Variants in ZNF569 observed in about 807,000 individuals in gnomAD.
ZNF569 encodes the protein zinc finger protein 569.
ZNF569 carries 38 observed loss-of-function variants against 56.3 expected under a neutral mutation model. The observed-to-expected ratio is 0.68, with a 90% CI of 0.52 to 0.88. The LOEUF (loss-of-function observed/expected upper bound fraction) is 0.88. Among genes scored for constraint, ZNF569 ranks in the 40% least tolerant of loss-of-function variants. The probability of loss-of-function intolerance (pLI) is 0.00; values close to 1 mark genes in which losing one functional copy is unlikely to be tolerated. For synonymous variants in ZNF569, 241 were observed against 262.9 expected, an observed-to-expected ratio of 0.92 and a Z score of 0.81; for missense variants, 666 against 809.2, an observed-to-expected ratio of 0.82 and a Z score of 2.15.
At chr19:37,417,405 C>T (rs1016834315) in intron 5 of ZNF569, among the ~76,000 whole-genome samples, 19 of 151,978 alleles carry the variant, frequency 1.3e-4, no homozygotes, top group Non-Finnish European at 2.2e-4. Context: ...GGACTAGAGG[C>T]GTGGTTAATT....
At position 37,413,446 on chromosome 19, in the gene ZNF569, G is replaced by A; in HGVS notation, c.1212C>T (p.His404=). Residue 404 remains histidine (H), a synonymous_variant, in exon 6 of 6, where the codon CAC becomes CAT. Transcript: ENST00000316950. ...SSALTVHMRS[H]TGEKPYECKE... Reference sequence around the variant, plus strand: ...TACATTCATAGGGTTTCTCACCAGTGTGACTTCTCATATGTACAGTAAGGG... The same window carrying A: ...TACATTCATAGGGTTTCTCACCAGTATGACTTCTCATATGTACAGTAAGGG... 1 of 1,613,510 alleles carries A rather than the reference G, an allele frequency of 6.2e-7. No homozygotes were observed. The highest frequency in any genetic ancestry group is 1.3e-5 in the African/African-American group (1 of 74,914).
At chr19:37,453,676 T>G (rs1008310897) in intron 2 of ZNF569, among the ~76,000 whole-genome samples, 1 of 152,136 alleles carries the variant, frequency 6.6e-6, no homozygotes, top group Non-Finnish European at 1.5e-5. Flanking sequence ...TGTGTAGATG[T>G]GTTTTAAAAT....
rs371046505 is a variant in ZNF569 at position 37,442,099 on chromosome 19, C to T, written c.15+2808G>A. Among the ~76,000 whole-genome samples, 7 of 152,214 alleles carry T rather than the reference C, an allele frequency of 4.6e-5. No homozygotes were observed. The East Asian group carries it at 1.2e-3, about 25-fold the overall frequency. On this transcript the variant is annotated intron_variant, in intron 3 of 5. Coordinates refer to ENST00000316950, the MANE Select transcript of ZNF569 (RefSeq NM_152484.3). The stretch of plus-strand genomic sequence containing the variant: ...AGAGTGAGTTTAGAAACACTCTGGG[C>T]CTCTTGGAGCTTAGATTCTACTTTG...
intron 2 of ZNF569, among the ~76,000 whole-genome samples, chr19:37,448,646 C>G (rs939550221): frequency 6.7e-6 from 1 of 148,430 alleles, no homozygotes; most frequent in Non-Finnish European, 1.5e-5. Flanking sequence ...TCACCGCAAG[C>G]TCCGCCTCCC....
intron 1 of ZNF569, 59 bp downstream of exon 1, chr19:37,467,025 C>A (rs1054701681): frequency 5.2e-5 from 8 of 152,400 alleles, no homozygotes; most frequent in Non-Finnish European, 1.2e-4. Flanking sequence ...CGCGGGCCCC[C>A]ACTCCCACCC....
At chr19:37,437,559 T>C (rs1227979362) in intron 3 of ZNF569, among the ~76,000 whole-genome samples, 10 of 152,200 alleles carry the variant, frequency 6.6e-5, no homozygotes, top group Non-Finnish European at 1.3e-4. Context: ...GCATGTGATA[T>C]GATCTTCTGT....
intron 2 of ZNF569, among the ~76,000 whole-genome samples, chr19:37,456,774 C>A (rs1056759449): frequency 1.3e-5 from 2 of 152,032 alleles, no homozygotes; most frequent in African/African-American, 4.8e-5. Flanking sequence ...CGAGATTGGC[C>A]TCGCCAACAT....
At chr19:37,469,204 C>T, upstream of ZNF569, 2 of 1,279,382 alleles carry the variant, frequency 1.6e-6, no homozygotes, top group Non-Finnish European at 2.0e-6. Flanking sequence ...GGGGAGGAGG[C>T]CGTGTTACAA....
intron 5 of ZNF569, among the ~76,000 whole-genome samples, chr19:37,416,448 T>C (rs534749634): frequency 3.3e-5 from 5 of 152,234 alleles, no homozygotes; most frequent in South Asian, 2.1e-4. Flanking sequence ...TCATTATCTA[T>C]TGGGGACTGG....
chr19:37,431,040 G>T (rs1330864848), intron 3 of ZNF569, among the ~76,000 whole-genome samples: 1 of 152,184 alleles, frequency 6.6e-6, no homozygotes, highest in African/African-American at 2.4e-5. Flanking sequence ...GTAGCAGTAG[G>T]AACCTGAATT....
chr19:37,434,249 G>A (rs1261050015), intron 3 of ZNF569, among the ~76,000 whole-genome samples: 1 of 149,746 alleles, frequency 6.7e-6, no homozygotes, highest in Non-Finnish European at 1.5e-5. Context: ...GCAGTGAGCC[G>A]AGATTGTGCC....
intron 5 of ZNF569, among the ~76,000 whole-genome samples, chr19:37,425,163 A>T (rs1032483172): frequency 6.6e-6 from 1 of 151,496 alleles, no homozygotes. Context: ...ATATATATAT[A>T]TTTTTTGAGA....
intron 5 of ZNF569, among the ~76,000 whole-genome samples, chr19:37,422,507 A>G (rs1168476367): frequency 6.6e-6 from 1 of 152,222 alleles, no homozygotes; most frequent in Non-Finnish European, 1.5e-5. Context: ...TGTGACACAG[A>G]CACACACAGT....
At chr19:37,439,136 T>C (rs1159311363) in intron 3 of ZNF569, among the ~76,000 whole-genome samples, 2 of 152,148 alleles carry the variant, frequency 1.3e-5, no homozygotes, top group African/African-American at 4.8e-5. Flanking sequence ...AGTGGTGCGA[T>C]CTTGGCTCAC....
upstream of ZNF569, among the ~76,000 whole-genome samples, chr19:37,468,613 T>C (rs2041893087): frequency 6.6e-6 from 1 of 152,146 alleles, no homozygotes; most frequent in Admixed American, 6.5e-5. Flanking sequence ...TCAGGCAATT[T>C]TTCTGCCTCA....
intron 3 of ZNF569, among the ~76,000 whole-genome samples, chr19:37,441,830 T>C (rs2041411875): frequency 6.6e-6 from 1 of 152,104 alleles, no homozygotes; most frequent in Admixed American, 6.5e-5. Flanking sequence ...AAATACACCA[T>C]AAATTCATCA....
chr19:37,457,217 A>G (rs2041686622), intron 2 of ZNF569, among the ~76,000 whole-genome samples: 1 of 152,214 alleles, frequency 6.6e-6, no homozygotes, highest in African/African-American at 2.4e-5. Flanking sequence ...AAACATTCGT[A>G]CAATAAAATA....
chr19:37,413,532 G>T lies in ZNF569; in HGVS notation c.1126C>A (p.His376Asn), dbSNP rs763050709. The stretch of plus-strand genomic sequence containing the variant: ...CATTCATAGGGTTTTTCACCTGTAT[G>T]AATTCTAACATGTATAATAAGCATG... The part of the protein sequence containing the change: ...FSMLIIHVRI[H>N]TGEKPYECNE... The change falls in exon 6 of 6, where the codon CAT (histidine) becomes AAT (asparagine). Residue 376 changes from histidine to asparagine, a missense_variant. By Grantham distance (68) the His-to-Asn change is moderately conservative (BLOSUM62 1). Coordinates refer to ENST00000316950, the MANE Select transcript of ZNF569 (RefSeq NM_152484.3). 1 of 1,612,844 alleles carries T rather than the reference G, an allele frequency of 6.2e-7. No homozygotes were observed. The highest frequency in any genetic ancestry group is 1.1e-5 in the South Asian group (1 of 90,878).
intron 5 of ZNF569, among the ~76,000 whole-genome samples, chr19:37,419,735 T>C (rs555379322): frequency 5.3e-5 from 8 of 151,474 alleles, no homozygotes; most frequent in Admixed American, 1.3e-4. Context: ...AAAAAAAAAA[T>C]TTAATACTAT....
Sources: allele counts gnomAD v4.1 joint callset (sites outside exome capture counted in the v4.1 genomes callset), GRCh38; gene constraint gnomAD v4.1.1; transcripts MANE v1.5; gene names NCBI Gene and HGNC (gene_info 2026-07-23, HGNC 2026-07-21).